Variants in CPNE8 observed in about 807,000 individuals in gnomAD.
The protein encoded by CPNE8 is copine 8.
Under a neutral mutation model 81.5 loss-of-function variants are expected in CPNE8, and 45 were observed. That is an observed-to-expected ratio of 0.55 (90% CI 0.44 to 0.71). The LOEUF (loss-of-function observed/expected upper bound fraction) is 0.71. Among genes scored for constraint, CPNE8 ranks in the 30% least tolerant of loss-of-function variants. CPNE8 has a pLI of 0.00. For missense variants in CPNE8, 594 were observed against 672.1 expected, an observed-to-expected ratio of 0.88 and a Z score of 1.28; for synonymous variants, 252 against 226.3, an observed-to-expected ratio of 1.11 and a Z score of -1.02.
chr12:38,815,612 C>T (rs910700798), intron 6 of CPNE8, among the ~76,000 whole-genome samples: 1 of 152,160 alleles, frequency 6.6e-6, no homozygotes, highest in Admixed American at 6.5e-5. Context: ...ATGAAACACA[C>T]TATGCTCACT....
intron 8 of CPNE8, among the ~76,000 whole-genome samples, chr12:38,764,174 T>G (rs962799899): frequency 6.6e-6 from 1 of 151,840 alleles, no homozygotes; most frequent in East Asian, 1.9e-4. Flanking sequence ...GCATTACAAG[T>G]AAGACAGAGG....
At chr12:38,811,809 C>A (rs776239547) in intron 6 of CPNE8, among the ~76,000 whole-genome samples, 17 of 152,166 alleles carry the variant, frequency 1.1e-4, no homozygotes, top group Non-Finnish European at 2.1e-4. Context: ...GAGTTCGAGG[C>A]TGCAGTGAGC....
chr12:38,829,233 T>C (rs890694746), intron 6 of CPNE8, 146 bp downstream of exon 6: 5 of 608,956 alleles, frequency 8.2e-6, no homozygotes, highest in Admixed American at 7.9e-5. Context: ...TTTAAAAATA[T>C]GTCAAAATTA....
chr12:38,795,640 C>T (rs1262699634), intron 6 of CPNE8, among the ~76,000 whole-genome samples: 3 of 151,838 alleles, frequency 2.0e-5, no homozygotes, highest in East Asian at 3.9e-4. Context: ...CTGTATAATC[C>T]CACATATATG....
chr12:38,760,435 G>GTGTATATATATATATATATA (rs1555154496), intron 10 of CPNE8, among the ~76,000 whole-genome samples: 2 of 127,276 alleles, frequency 1.6e-5, no homozygotes, highest in African/African-American at 3.5e-5. Flanking sequence ...TGTATGGTGT[G>GTGTATATATATATATATATA]TATATATATA....
chr12:38,885,865 T>C (rs1944230690), intron 1 of CPNE8, among the ~76,000 whole-genome samples: 1 of 152,044 alleles, frequency 6.6e-6, no homozygotes, highest in Admixed American at 6.6e-5. Flanking sequence ...TGTGTAGTAC[T>C]TCCCCCTTCT....
At chr12:38,699,641 C>T (rs55711013) in intron 14 of CPNE8, among the ~76,000 whole-genome samples, 14,705 of 151,610 alleles carry the variant, frequency 0.097, 2,366 homozygotes, top group African/African-American at 0.34. Context: ...ATTCTGTGGC[C>T]GAACCACGGT....
chr12:38,715,201 T>A (rs1055024844), intron 13 of CPNE8, among the ~76,000 whole-genome samples: 3 of 152,118 alleles, frequency 2.0e-5, no homozygotes, highest in African/African-American at 7.2e-5. Flanking sequence ...AACAGTTGCC[T>A]GTTTCACACT....
At chr12:38,827,850 G>A (rs373154748) in intron 6 of CPNE8, among the ~76,000 whole-genome samples, 18 of 152,074 alleles carry the variant, frequency 1.2e-4, no homozygotes, top group South Asian at 6.2e-4. Flanking sequence ...AGTGAGGACC[G>A]AAAAACTACC....
At chr12:38,861,953 G>C (rs769999585) in intron 3 of CPNE8, among the ~76,000 whole-genome samples, 8 of 152,084 alleles carry the variant, frequency 5.3e-5, no homozygotes, top group African/African-American at 1.7e-4. Flanking sequence ...TGTTGGTATA[G>C]TATAACATTA....
At chr12:38,671,072 GA>G in intron 18 of CPNE8, 1 of 310,438 alleles carries the variant, frequency 3.2e-6, no homozygotes, top group Non-Finnish European at 5.9e-6. Context: ...TAGACCCTGT[GA>G]AACTGTCTCT....
At chr12:38,837,044 A>G (rs1724440045) in intron 5 of CPNE8, among the ~76,000 whole-genome samples, 1 of 152,260 alleles carries the variant, frequency 6.6e-6, no homozygotes. Context: ...ACACAGACAC[A>G]AATATAAAGG....
In CPNE8 at chr12:38,702,924, G is replaced by T; in HGVS notation, c.915-3C>A. ...CCACTGTGAAATTGATTTGCGTCCT[G>T]GAATAGAAGTAAACAAGACTCATTA... On this transcript the variant is annotated splice_polypyrimidine_tract_variant and splice_region_variant and intron_variant, in intron 13 of 19. Coordinates refer to ENST00000331366, the MANE Select transcript of CPNE8 (RefSeq NM_153634.3). The T allele has an allele frequency of 1.9e-6, 3 of 1,572,286 alleles. No individual in the cohort carries two copies. Among genetic ancestry groups the T allele is most frequent in the Non-Finnish European group, 2.6e-6 (3 of 1,154,514 alleles).
rs115338491 is a variant in CPNE8, at chr12:38,769,252, A to G, written c.472-1514T>C. Among the ~76,000 whole-genome samples the G allele has an allele frequency of 9.4e-3, 1,429 of 152,298 alleles. 21 individuals are homozygous for G. The highest frequency in any genetic ancestry group is 0.04 in the South Asian group (193 of 4,830). On this transcript the variant is annotated intron_variant, in intron 7 of 19. Transcript: ENST00000331366. ...TTTACTTGTAGCATGTAGCTGTGAT[A>G]ACTTCTATCAGAGGAACATTTATAA... is the stretch of plus-strand genomic sequence containing the variant.
At chr12:38,806,641 A>AT in intron 6 of CPNE8, among the ~76,000 whole-genome samples, 1 of 145,082 alleles carries the variant, frequency 6.9e-6, no homozygotes, top group Non-Finnish European at 1.5e-5. Flanking sequence ...CCCACAGCCA[A>AT]TATCATACTG....
intron 6 of CPNE8, among the ~76,000 whole-genome samples, chr12:38,784,833 T>C (rs1942141421): frequency 6.6e-6 from 1 of 151,998 alleles, no homozygotes; most frequent in South Asian, 2.1e-4. Flanking sequence ...ACAAACAAAA[T>C]CTTAGGGATT....
rs1382947483 is a variant in CPNE8, at chr12:38,677,509, C to T, written c.1317G>A (p.Leu439=). Residue 439 remains leucine, a synonymous_variant, in exon 17 of 20, where the codon CTG becomes CTA. Coordinates refer to ENST00000331366, the MANE Select transcript of CPNE8 (RefSeq NM_153634.3). The part of the protein sequence containing the change: ...VKDGSQYFVL[L]IVTDGVISDM... The stretch of plus-strand genomic sequence containing the variant: ...CTGAGATAACACCATCTGTAACAAT[C>T]AGAAGCACAAAATACTGGGAGCCAT... 3.1e-6 allele frequency: 5 copies of T among 1,612,648 alleles called. No individual in the cohort carries two copies.
At chr12:38,890,001 A>G (rs1565664523) in intron 1 of CPNE8, among the ~76,000 whole-genome samples, 1 of 152,222 alleles carries the variant, frequency 6.6e-6, no homozygotes, top group Admixed American at 6.5e-5. Flanking sequence ...TGTTGACAAT[A>G]GCTGGTTTAG....
chr12:38,710,592 C>A (rs148263715), intron 13 of CPNE8, among the ~76,000 whole-genome samples: 157 of 152,298 alleles, frequency 1.0e-3, no homozygotes, highest in African/African-American at 3.6e-3. Context: ...TGCTGTAGGA[C>A]AAATTTCGTG....
Sources: gnomAD v4.1 joint callset for allele counts (sites outside exome capture counted in the v4.1 genomes callset) on GRCh38, gnomAD v4.1.1 for gene constraint, MANE v1.5 for transcripts, NCBI Gene and HGNC (gene_info 2026-07-23, HGNC 2026-07-21) for gene names.